The following GALNT1 variants were observed in gnomAD, a reference collection of about 807,000 sequenced individuals.
GALNT1 encodes GalNAc transferase 1.
A neutral mutation model predicts 65.7 loss-of-function variants in GALNT1; 17 were observed. That is an observed-to-expected ratio of 0.26 (90% CI 0.18 to 0.39). The LOEUF (loss-of-function observed/expected upper bound fraction) is 0.39, where lower values mean the gene tolerates loss of function less well. Ranked by LOEUF, GALNT1 falls within the 10% of genes least tolerant of loss-of-function variation. The pLI is 1.00. For missense variants in GALNT1, 460 were observed against 672.8 expected (o/e 0.68, Z 3.50); for synonymous variants, 210 against 219.7 (o/e 0.96, Z 0.39).
intron 4 of GALNT1, 107 bp downstream of exon 4, chr18:35,677,864 T>C (rs1177321397): frequency 1.2e-6 from 1 of 803,906 alleles, no homozygotes; most frequent in East Asian, 3.0e-5. Context: ...AAATTCTAAT[T>C]TATCCCAAAA....
intron 6 of GALNT1, 38 bp from the exon 7 acceptor site, chr18:35,689,135 T>G: frequency 7.5e-7 from 1 of 1,325,504 alleles, no homozygotes; most frequent in Non-Finnish European, 1.1e-6. Flanking sequence ...TGATTGTAAA[T>G]TTTAAATTGC....
chr18:35,581,543 T>G (rs1392151699), upstream of GALNT1, among the ~76,000 whole-genome samples: 2 of 382 alleles, frequency 5.2e-3, no homozygotes, highest in Non-Finnish European at 0.012. Context: ...GCGGGCGCCC[T>G]GCGGCGCCCG....
At chr18:35,587,209 C>G (rs898546521) in intron 1 of GALNT1, among the ~76,000 whole-genome samples, 5 of 152,236 alleles carry the variant, frequency 3.3e-5, no homozygotes, top group Non-Finnish European at 7.3e-5. Flanking sequence ...TTGTATTCCA[C>G]AATCTTGCTG....
chr18:35,652,549 C>T (rs949132696), intron 1 of GALNT1, among the ~76,000 whole-genome samples: 2 of 152,164 alleles, frequency 1.3e-5, no homozygotes, highest in African/African-American at 4.8e-5. Flanking sequence ...CCCCTGACTG[C>T]CTATTGACAC....
chr18:35,709,913 G>C lies in GALNT1; in HGVS notation c.*143G>C, dbSNP rs2048328254. The C allele has an allele frequency of 2.1e-5, 20 of 940,206 alleles. No homozygotes were observed. The South Asian group carries it at 3.5e-4, about 17-fold the overall frequency. The allele number at this position is 940,206 out of a possible 1,614,324, so 58.2% of individuals were successfully genotyped here. ...AAGGTTTATCAGCCATTAAAACTTA[G>C]ACTTCTCTAGCTTTTCACTAGCTGT... On this transcript the variant is annotated 3_prime_UTR_variant, in exon 12 of 12. Coordinates refer to ENST00000269195, the MANE Select transcript of GALNT1 (RefSeq NM_020474.4).
At chr18:35,702,317 C>T (rs1267189383) in intron 9 of GALNT1, among the ~76,000 whole-genome samples, 1 of 152,150 alleles carries the variant, frequency 6.6e-6, no homozygotes, top group Non-Finnish European at 1.5e-5. Context: ...TTACCATATG[C>T]TTTTAAAACT....
At chr18:35,689,382 T>C in intron 7 of GALNT1, 92 bp downstream of exon 7, 2 of 752,194 alleles carry the variant, frequency 2.7e-6, no homozygotes, top group South Asian at 3.3e-5. Flanking sequence ...AAAATAAAAA[T>C]TGAATTTAAT....
chr18:35,611,083 A>C (rs565828237), intron 1 of GALNT1, among the ~76,000 whole-genome samples: 1 of 152,304 alleles, frequency 6.6e-6, no homozygotes, highest in Admixed American at 6.5e-5. Context: ...CTACATTTTC[A>C]GAACTGCTGC....
intron 1 of GALNT1, among the ~76,000 whole-genome samples, chr18:35,607,246 A>G (rs76349221): frequency 0.045 from 6,824 of 152,188 alleles, 260 homozygotes; most frequent in Non-Finnish European, 0.067. Flanking sequence ...GGGTGGAGAA[A>G]AAAGAGAGAG....
intron 1 of GALNT1, among the ~76,000 whole-genome samples, chr18:35,608,609 T>C (rs1214899814): frequency 6.6e-6 from 1 of 152,234 alleles, no homozygotes; most frequent in Non-Finnish European, 1.5e-5. Context: ...GTGTCTATTA[T>C]GTACTCTAGG....
At chr18:35,642,086 C>CT (rs2047171348) in intron 1 of GALNT1, among the ~76,000 whole-genome samples, 1 of 152,138 alleles carries the variant, frequency 6.6e-6, no homozygotes. Context: ...AGCCTGAAAT[C>CT]TTTATCATCT....
At position 35,663,649 on chromosome 18, in the gene GALNT1, C is replaced by T. The variant is rs72964406; in HGVS notation, c.161C>T (p.Pro54Leu). The change falls in exon 3 of 12, where the codon CCT (proline) becomes CTT (leucine). Residue 54 changes from proline (P) to leucine (L), a missense_variant. Coordinates refer to ENST00000269195, the MANE Select transcript of GALNT1 (RefSeq NM_020474.4). ...AGDVLEPVQK[P>L]HEGPGEMGKP... The stretch of plus-strand genomic sequence containing the variant: ...TTAGTTCTAGAGCCAGTACAAAAGC[C>T]TCATGAAGGTCCTGGAGAAATGGGG... 568 of 1,613,186 alleles carry T rather than the reference C, an allele frequency of 3.5e-4. No individual in the cohort carries two copies. The highest frequency in any genetic ancestry group is 3.4e-4 in the Non-Finnish European group (397 of 1,179,728).
intron 9 of GALNT1, among the ~76,000 whole-genome samples, chr18:35,694,340 C>A (rs1013114717): frequency 6.6e-6 from 1 of 151,884 alleles, no homozygotes; most frequent in African/African-American, 2.4e-5. Flanking sequence ...ATATGAGCAA[C>A]CCAAAAGAGA....
intron 1 of GALNT1, among the ~76,000 whole-genome samples, chr18:35,624,230 G>C (rs2046889744): frequency 6.6e-6 from 1 of 152,174 alleles, no homozygotes; most frequent in Admixed American, 6.5e-5. Flanking sequence ...CACTTTTCTA[G>C]TATTTCCTGC....
intron 2 of GALNT1, among the ~76,000 whole-genome samples, chr18:35,663,099 T>C (rs2047499990): frequency 6.6e-6 from 1 of 152,000 alleles, no homozygotes; most frequent in Admixed American, 6.6e-5. Context: ...TAGTTGGGCA[T>C]GGGAAGGCAA....
intron 1 of GALNT1, among the ~76,000 whole-genome samples, chr18:35,632,588 A>T (rs2047029228): frequency 6.6e-6 from 1 of 152,242 alleles, no homozygotes; most frequent in East Asian, 1.9e-4. Flanking sequence ...ACCTAAAACC[A>T]GAAAAACCCT....
At chr18:35,619,415 A>AG (rs1218557873) in intron 1 of GALNT1, among the ~76,000 whole-genome samples, 1 of 152,206 alleles carries the variant, frequency 6.6e-6, no homozygotes, top group Non-Finnish European at 1.5e-5. Context: ...ATGTAAAAAA[A>AG]AGAATTTCAT....
intron 1 of GALNT1, among the ~76,000 whole-genome samples, chr18:35,612,812 C>G (rs1473715215): frequency 1.3e-5 from 2 of 151,840 alleles, no homozygotes; most frequent in African/African-American, 4.8e-5. Context: ...TTGCAGTGAG[C>G]TAATATCGCA....
chr18:35,707,328 G>A (rs1287248083), intron 11 of GALNT1, among the ~76,000 whole-genome samples: 3 of 152,124 alleles, frequency 2.0e-5, no homozygotes, highest in Admixed American at 6.5e-5. Flanking sequence ...CAAAGGTTAC[G>A]GTTAGATGCT....
Sources: gnomAD v4.1 joint callset for allele counts (sites outside exome capture counted in the v4.1 genomes callset) on GRCh38, gnomAD v4.1.1 for gene constraint, MANE v1.5 for transcripts, NCBI Gene and HGNC (gene_info 2026-07-23, HGNC 2026-07-21) for gene names.